Variants in CFAP119 observed in about 807,000 individuals in gnomAD.
The protein encoded by CFAP119 is cilia- and flagella-associated protein 119.
the CFAP119 span, chr16:30,761,288 T>A: frequency 1.2e-6 from 2 of 1,609,978 alleles, no homozygotes; most frequent in South Asian, 2.2e-5. Context: ...GTAGCGAATC[T>A]CCAGCAGGCC....
the CFAP119 span, chr16:30,759,805 A>G: frequency 1.3e-6 from 2 of 1,524,564 alleles, no homozygotes; most frequent in Non-Finnish European, 1.8e-6. Context: ...GTTTATGACC[A>G]TGAGCTTCAG....
the CFAP119 span, chr16:30,758,012 G>T: frequency 1.4e-5 from 3 of 219,262 alleles, no homozygotes; most frequent in Non-Finnish European, 2.6e-5. Flanking sequence ...GCTTAGAGCA[G>T]GGCATGCACT....
At chr16:30,758,819 G>A in the CFAP119 span, 2 of 926,312 alleles carry the variant, frequency 2.2e-6, no homozygotes. Context: ...ATTGTGCTGG[G>A]ATTACAGGTG....
chr16:30,761,328 C>T, the CFAP119 span: 5 of 1,555,494 alleles, frequency 3.2e-6, no homozygotes, highest in Admixed American at 8.3e-5. Context: ...GCCATCTCAT[C>T]TCAAGGACTA....
At chr16:30,761,254 A>C in the CFAP119 span, 5 of 1,613,458 alleles carry the variant, frequency 3.1e-6, no homozygotes, top group African/African-American at 6.7e-5. Context: ...CGAATTGGGG[A>C]AGGCAGCTGC....
the CFAP119 span, chr16:30,759,666 G>A: frequency 1.9e-6 from 3 of 1,612,300 alleles, no homozygotes; most frequent in East Asian, 6.7e-5. Context: ...TGACTCCATG[G>A]CAAAAAAGGA....
the CFAP119 span, chr16:30,758,925 A>T: frequency 6.5e-7 from 1 of 1,547,010 alleles, no homozygotes; most frequent in East Asian, 2.3e-5. Flanking sequence ...ACTAAAAACA[A>T]AAAGTCTGAA....
the CFAP119 span, chr16:30,757,784 C>T: frequency 4.9e-6 from 7 of 1,431,332 alleles, no homozygotes; most frequent in African/African-American, 1.0e-4. Flanking sequence ...TGTTGTTTCC[C>T]TTTAGGAAAT....
At chr16:30,757,451 C>T in the CFAP119 span, 4 of 1,605,086 alleles carry the variant, frequency 2.5e-6, no homozygotes, top group Non-Finnish European at 3.4e-6. Flanking sequence ...CTGGCCCAGA[C>T]CTTTATTGGG....
the CFAP119 span, chr16:30,761,605 A>AGTCCGCACACTCGCACGC: frequency 2.0e-6 from 3 of 1,536,154 alleles, no homozygotes; most frequent in South Asian, 3.6e-5. Flanking sequence ...TCGTCCACTG[A>AGTCCGCACACTCGCACGC]GTCCGCACAC....
the CFAP119 span, chr16:30,759,996 A>G: frequency 6.8e-7 from 1 of 1,464,054 alleles, no homozygotes; most frequent in Admixed American, 2.6e-5. Context: ...CAGCTATTAA[A>G]CATTCTGAAG....
the CFAP119 span, chr16:30,757,666 G>GGGA: frequency 6.2e-7 from 1 of 1,605,432 alleles, no homozygotes; most frequent in South Asian, 1.1e-5. Flanking sequence ...TGCAGGGGCA[G>GGGA]GGAAGAAGGG....
chr16:30,757,730 A>T, the CFAP119 span: 1 of 1,510,082 alleles, frequency 6.6e-7, no homozygotes, highest in East Asian at 2.3e-5. Context: ...CTAGTTGGGC[A>T]AACAGTCCCC....
the CFAP119 span, chr16:30,761,921 A>G: frequency 1.5e-6 from 1 of 654,932 alleles, no homozygotes; most frequent in Non-Finnish European, 2.5e-6. Context: ...CTCCGTCTCA[A>G]CGGCGACGGT....
At chr16:30,761,675 C>A in the CFAP119 span, 1 of 1,535,886 alleles carries the variant, frequency 6.5e-7, no homozygotes, top group Non-Finnish European at 8.7e-7. Context: ...CGCTTCCCGC[C>A]GCAGCTCGGA....
the CFAP119 span, chr16:30,758,774 C>T: frequency 3.7e-5 from 23 of 618,280 alleles, no homozygotes; most frequent in Admixed American, 1.9e-4. Context: ...AGGCTGGTCG[C>T]GAACTCCTGA....
At chr16:30,761,186 C>T in the CFAP119 span, 2 of 1,613,804 alleles carry the variant, frequency 1.2e-6, no homozygotes, top group African/African-American at 1.3e-5. Context: ...ATTTTTGTCT[C>T]TTCACACTCA....
At chr16:30,760,763 G>A in the CFAP119 span, 13 of 1,130,466 alleles carry the variant, frequency 1.1e-5, no homozygotes, top group East Asian at 1.5e-4. Context: ...GGCCACCGGC[G>A]TGAAGCTGGG....
the CFAP119 span, chr16:30,760,808 C>T: frequency 1.3e-6 from 1 of 743,500 alleles, no homozygotes; most frequent in African/African-American, 1.7e-5. Context: ...CTATGCAAAT[C>T]GTTAACTCTC....
Sources: gnomAD v4.1 joint callset for allele counts on GRCh38, gnomAD v4.1.1 for gene constraint, MANE v1.5 for transcripts, NCBI Gene and HGNC (gene_info 2026-07-23, HGNC 2026-07-21) for gene names.